Variants in ASTL observed in about 807,000 individuals in gnomAD.
The protein encoded by ASTL is astacin-like metalloendopeptidase.
Under a neutral mutation model 36.7 loss-of-function variants are expected in ASTL, and 27 were observed. That is an observed-to-expected ratio of 0.73 (90% CI 0.54 to 1.01). The LOEUF (loss-of-function observed/expected upper bound fraction) is 1.01, where lower values mean the gene tolerates loss of function less well. Among genes scored for constraint, ASTL ranks in the 50% least tolerant of loss-of-function variants. The pLI is 0.00. For missense variants in ASTL, 524 were observed against 572.8 expected (o/e 0.91, Z 0.87); for synonymous variants, 222 against 228.1 (o/e 0.97, Z 0.24).
chr2:96,132,450 T>C lies in ASTL; in HGVS notation c.637+90A>G. On this transcript the variant is annotated intron_variant, in intron 6 of 8. Transcript: ENST00000342380. The surrounding 1 kb of genome is among the most constrained non-coding windows in gnomAD (Gnocchi z 5.4). ...GCAGGCAGGTGATGGGGAGGATGGA[T>C]AGCCTCACCCATGGGGACCAGGCGA... The C allele has an allele frequency of 8.3e-7, 1 of 1,209,784 alleles. No individual in the cohort carries two copies. The highest frequency in any genetic ancestry group is 1.5e-5 in the South Asian group (1 of 64,632). 74.9% of individuals were successfully genotyped at this position (1,209,784 alleles called of 1,614,324 possible). A position where few individuals can be genotyped will look rare whatever the true frequency, so the allele number is the denominator to read the frequency against.
chr2:96,124,239 C>A lies in ASTL; in HGVS notation c.907G>T (p.Ala303Ser). 1 of 1,514,798 alleles carries A rather than the reference C, an allele frequency of 6.6e-7. No homozygotes were observed. The highest frequency in any genetic ancestry group is 1.3e-5 in the South Asian group (1 of 74,796). 93.8% of individuals were successfully genotyped at this position (1,514,798 alleles called of 1,614,324 possible). A position where few individuals can be genotyped will look rare whatever the true frequency, so the allele number is the denominator to read the frequency against. ...SHAHSTGRSPAPASLSLQRLL... is the reference protein window; with the variant it reads ...SHAHSTGRSPSPASLSLQRLL... ...CGCTGCAGAGATAGGGAGGCCGGAG[C>A]GGGGCTCCTACCAGTGCTGTGGGCA... The change falls in exon 9 of 9, where the codon GCT becomes TCT. Residue 303 changes from alanine (A) to serine (S), a missense_variant. By Grantham distance (99) the Ala-to-Ser change is moderately conservative (BLOSUM62 1). Transcript: ENST00000342380. This position sits in a 1 kb window ranked among gnomAD's most constrained non-coding sequence, Gnocchi z 4.1.
At chr2:96,133,335 G>T in intron 5 of ASTL, 90 bp downstream of exon 5, 1 of 947,698 alleles carries the variant, frequency 1.1e-6, no homozygotes, top group Non-Finnish European at 1.7e-6. Flanking sequence ...TGGAGGATGG[G>T]CCCAGGAATA....
intron 3 of ASTL, 149 bp downstream of exon 3, chr2:96,135,202 C>A: frequency 1.6e-6 from 1 of 610,674 alleles, no homozygotes; most frequent in South Asian, 2.0e-5. Context: ...CCTAACAGAA[C>A]AGTCGCTCTG....
In ASTL at chr2:96,138,406, C is replaced by A. The variant is rs1332594071; in HGVS notation, c.31G>T (p.Val11Leu). ...CCTGGCAAGGAGAGCAGACCCAGCA[C>A]CCAAGGCCAGAGACCCCCTACACCC... MEGVGGLWPW[V>L]LGLLSLPGVI... The change falls in exon 1 of 9, where the codon GTG becomes TTG. Residue 11 changes from valine to leucine, a missense_variant. Coordinates refer to ENST00000342380, the MANE Select transcript of ASTL (RefSeq NM_001002036.4). 2 of 1,610,894 alleles carry A rather than the reference C, an allele frequency of 1.2e-6. No individual in the cohort carries two copies. Among genetic ancestry groups the A allele is most frequent in the African/African-American group, 1.3e-5 (1 of 74,968 alleles).
chr2:96,130,467 G>T (rs547628160), intron 6 of ASTL, among the ~76,000 whole-genome samples: 2 of 152,286 alleles, frequency 1.3e-5, no homozygotes, highest in East Asian at 3.9e-4. Flanking sequence ...GCTGCCACGG[G>T]TCCCACACTG....
At chr2:96,128,803 G>T (rs946704598) in intron 8 of ASTL, among the ~76,000 whole-genome samples, 2 of 152,100 alleles carry the variant, frequency 1.3e-5, no homozygotes, top group African/African-American at 4.8e-5. Flanking sequence ...CAATCGGGAG[G>T]CCAAGGCAGG....
chr2:96,129,306 G>A (rs1268455411), intron 8 of ASTL, among the ~76,000 whole-genome samples: 1 of 151,906 alleles, frequency 6.6e-6, no homozygotes, highest in East Asian at 1.9e-4. Context: ...TTTCTAACTG[G>A]GTGTACAGAA....
At chr2:96,136,842 G>A (rs1274836936) in intron 2 of ASTL, among the ~76,000 whole-genome samples, 1 of 152,130 alleles carries the variant, frequency 6.6e-6, no homozygotes, top group African/African-American at 2.4e-5. Flanking sequence ...GCAAGGCCCT[G>A]AGCCTGACTT....
intron 6 of ASTL, among the ~76,000 whole-genome samples, chr2:96,131,049 A>T (rs970831327): frequency 9.9e-5 from 15 of 152,228 alleles, no homozygotes; most frequent in Non-Finnish European, 1.9e-4. Flanking sequence ...CTAAATGGGA[A>T]CAAATATGTT....
At position 96,135,432 on chromosome 2, in the gene ASTL, G is replaced by T; in HGVS notation, c.182-20C>A. 1 of 1,612,942 alleles carries T rather than the reference G, an allele frequency of 6.2e-7. No individual in the cohort carries two copies. On this transcript the variant is annotated intron_variant, in intron 2 of 8. Transcript: ENST00000342380. ...TGAGCCCTGGGAAAGGAAGAAGGAC[G>T]TGTTGGCCCATGTCCCCCAGAACAC...
Position 96,138,440 on chromosome 2 carries a change from A to T in ASTL, c.-4T>A. On this transcript the variant is annotated 5_prime_UTR_variant, in exon 1 of 9. Transcript: ENST00000342380. Reference sequence around the variant, plus strand: ...AGAGACCCCCTACACCCTCCATGGTAGAGCCCTGCTGCCCCTTCAGCAAAC... The same window carrying T: ...AGAGACCCCCTACACCCTCCATGGTTGAGCCCTGCTGCCCCTTCAGCAAAC... 6.2e-7 allele frequency: 1 copy of T among 1,609,106 alleles called. No individual in the cohort carries two copies. Among genetic ancestry groups the T allele is most frequent in the Non-Finnish European group, 8.5e-7 (1 of 1,177,612 alleles).
chr2:96,133,383 G>A (rs369525184), intron 5 of ASTL, 42 bp downstream of exon 5: 7 of 1,317,848 alleles, frequency 5.3e-6, no homozygotes, highest in Admixed American at 5.0e-5. Context: ...CGGGCTGAAC[G>A]CAGAAGCGAG....
At chr2:96,126,643 G>A (rs1319999134) in intron 8 of ASTL, among the ~76,000 whole-genome samples, 1 of 152,126 alleles carries the variant, frequency 6.6e-6, no homozygotes, top group Non-Finnish European at 1.5e-5. Context: ...AGATCACGAG[G>A]TCAGGAGTTC....
intron 8 of ASTL, 90 bp downstream of exon 8, chr2:96,129,734 C>G: frequency 1.5e-6 from 2 of 1,318,268 alleles, no homozygotes; most frequent in Non-Finnish European, 2.1e-6. Flanking sequence ...CCCCCTGCAA[C>G]CTCATCTCCC....
intron 2 of ASTL, 108 bp from the exon 3 acceptor site, chr2:96,135,520 G>C (rs534686681): frequency 9.6e-6 from 9 of 934,628 alleles, no homozygotes; most frequent in Non-Finnish European, 1.5e-5. Flanking sequence ...GTCTTTCCTA[G>C]TGGATTGTTA....
At chr2:96,135,467 G>A in intron 2 of ASTL, 55 bp from the exon 3 acceptor site, 1 of 1,535,416 alleles carries the variant, frequency 6.5e-7, no homozygotes, top group Admixed American at 1.7e-5. Flanking sequence ...CTGACTCGTG[G>A]GACAGGCCAA....
At chr2:96,135,986 C>T (rs1446670624) in intron 2 of ASTL, among the ~76,000 whole-genome samples, 1 of 152,194 alleles carries the variant, frequency 6.6e-6, no homozygotes, top group African/African-American at 2.4e-5. Context: ...TATATTCAGG[C>T]CCCTTGAGGT....
chr2:96,131,950 A>T (rs529040764), intron 6 of ASTL, among the ~76,000 whole-genome samples: 1 of 152,244 alleles, frequency 6.6e-6, no homozygotes, highest in South Asian at 2.1e-4. Context: ...GGCGCCACAC[A>T]GCCGCTGCCA....
At chr2:96,133,069 A>G (rs1406766925) in intron 5 of ASTL, among the ~76,000 whole-genome samples, 1 of 152,216 alleles carries the variant, frequency 6.6e-6, no homozygotes, top group Non-Finnish European at 1.5e-5. Flanking sequence ...CAAGCTAGGA[A>G]GCAGGTATCG....
Sources: allele counts gnomAD v4.1 joint callset (sites outside exome capture counted in the v4.1 genomes callset), GRCh38; gene constraint gnomAD v4.1.1; non-coding constraint Gnocchi (gnomAD v3.1); transcripts MANE v1.5; gene names NCBI Gene and HGNC (gene_info 2026-07-23, HGNC 2026-07-21).